Variants in PIH1D1 observed in about 807,000 individuals in gnomAD.
PIH1D1 encodes PIH1 domain containing 1.
In PIH1D1, 28 loss-of-function variants were observed where a neutral mutation model predicts 38.5. The ratio of observed to expected loss-of-function variants is 0.73; its 90% CI spans 0.54 to 1.00. The LOEUF (loss-of-function observed/expected upper bound fraction) is 1.00. Ranked by LOEUF, PIH1D1 falls within the 50% of genes least tolerant of loss-of-function variation. The pLI is 0.00. For missense variants in PIH1D1, 343 were observed against 369.9 expected, an observed-to-expected ratio of 0.93 and a Z score of 0.60; for synonymous variants, 155 against 153.5, an observed-to-expected ratio of 1.01 and a Z score of -0.07.
intron 1 of PIH1D1, 167 bp downstream of exon 1, chr19:49,451,318 C>G (rs1486270330): frequency 1.0e-6 from 1 of 960,272 alleles, no homozygotes; most frequent in East Asian, 2.7e-5. Flanking sequence ...TGTGAGCCAC[C>G]GCGCCCGGCC....
chr19:49,450,933 A>C (rs544991471), intron 1 of PIH1D1, 85 bp from the exon 2 acceptor site: 4 of 1,607,466 alleles, frequency 2.5e-6, no homozygotes, highest in Non-Finnish European at 1.7e-6. Context: ...ATTCTTATGC[A>C]TGAGAGCTGT....
At chr19:49,450,196 G>C (rs1362138136) in intron 2 of PIH1D1, among the ~76,000 whole-genome samples, 1 of 151,958 alleles carries the variant, frequency 6.6e-6, no homozygotes, top group Non-Finnish European at 1.5e-5. Context: ...GCTCAAGTGA[G>C]CCTCCCACCT....
intron 2 of PIH1D1, among the ~76,000 whole-genome samples, chr19:49,450,215 T>A (rs545015439): frequency 6.6e-6 from 1 of 152,164 alleles, no homozygotes; most frequent in East Asian, 1.9e-4. Flanking sequence ...CTCAGCCTCG[T>A]GAGTAGCTAT....
intron 3 of PIH1D1, 147 bp downstream of exon 3, chr19:49,449,328 C>T (rs1265656827): frequency 1.2e-6 from 1 of 805,638 alleles, no homozygotes; most frequent in Non-Finnish European, 2.1e-6. Context: ...GTCCAGGGCA[C>T]TAGAGATCTA....
chr19:49,451,392 C>A, intron 1 of PIH1D1, 93 bp downstream of exon 1: 1 of 1,560,360 alleles, frequency 6.4e-7, no homozygotes, highest in South Asian at 1.1e-5. Flanking sequence ...GCCTGGTTCC[C>A]GCCTTAGTGC....
intron 8 of PIH1D1, 54 bp downstream of exon 8, chr19:49,446,495 GAC>G: frequency 1.9e-6 from 3 of 1,582,238 alleles, no homozygotes; most frequent in Non-Finnish European, 2.6e-6. Flanking sequence ...CTCCCTGGGA[GAC>G]AGAGTCCAGG....
At chr19:49,448,359 T>C (rs2079037730) in intron 3 of PIH1D1, 1 of 460,312 alleles carries the variant, frequency 2.2e-6, no homozygotes, top group African/African-American at 2.0e-5. Context: ...CCCACAAGCC[T>C]GGCGTTGGAG....
chr19:49,446,455 C>T (rs2079022985), intron 8 of PIH1D1, 32 bp from the exon 9 acceptor site: 2 of 1,283,168 alleles, frequency 1.6e-6, no homozygotes, highest in South Asian at 2.4e-5. Context: ...AATGAGGATC[C>T]AGGACCCAGA....
rs577612208 is a variant in PIH1D1, at chr19:49,450,903, T to C, written c.91-55A>G. ...GGAGTCTGTGCCATCAGACCCCTCA[T>C]TTGTTCCTCAAATGGAGCAATTCTT... On this transcript the variant is annotated intron_variant, in intron 1 of 8. Coordinates refer to ENST00000262265, the MANE Select transcript of PIH1D1 (RefSeq NM_017916.3). The C allele has an allele frequency of 9.4e-5, 152 of 1,612,966 alleles. No homozygotes were observed. The East Asian group carries it at 2.3e-3, about 24-fold the overall frequency.
At chr19:49,449,311 G>A (rs2079043673) in intron 3 of PIH1D1, 164 bp downstream of exon 3, 1 of 753,322 alleles carries the variant, frequency 1.3e-6, no homozygotes, top group Non-Finnish European at 2.3e-6. Flanking sequence ...CTGCCCGGGT[G>A]TGGGATGTCC....
chr19:49,448,950 T>A (rs2122331291), intron 3 of PIH1D1: 1 of 278,670 alleles, frequency 3.6e-6, no homozygotes, highest in African/African-American at 2.2e-5. Flanking sequence ...CCCAGCACTT[T>A]CGGAGGCTGA....
At chr19:49,447,938 G>A (rs768247741) in intron 4 of PIH1D1, 30 bp from the exon 5 acceptor site, 10 of 1,613,760 alleles carry the variant, frequency 6.2e-6, no homozygotes, top group Non-Finnish European at 8.5e-6. Context: ...AAAGACAGGC[G>A]GTGGCGGGGA....
Position 49,451,750 on chromosome 19 carries a change from C to T in PIH1D1, c.-176G>A. Reference sequence around the variant, plus strand: ...TCCATTCAAGACCGAACACCATCGTCAAATCCGTGGGGAATATGTGTCTCT... The same window carrying T: ...TCCATTCAAGACCGAACACCATCGTTAAATCCGTGGGGAATATGTGTCTCT... On this transcript the variant is annotated 5_prime_UTR_variant, in exon 1 of 9. Coordinates refer to ENST00000262265, the MANE Select transcript of PIH1D1 (RefSeq NM_017916.3). The T allele has an allele frequency of 7.0e-7, 1 of 1,420,586 alleles. No individual in the cohort carries two copies. The allele number at this position is 1,420,586 out of a possible 1,614,324, so 88.0% of individuals were successfully genotyped here.
chr19:49,446,413 A>G lies in PIH1D1; in HGVS notation c.842T>C (p.Val281Ala), dbSNP rs2122323644. Reference protein sequence around the residue: ...AFHRKRKQLMVAMPLLPVPS With the variant: ...AFHRKRKQLMAAMPLLPVPS The stretch of plus-strand genomic sequence containing the variant: ...AGGCACCGGCAGAAGCGGCATGGCC[A>G]CCATTAATTGCTGAGGAGACAGAGC... The change falls in exon 9 of 9, where the codon GTG becomes GCG. Residue 281 changes from valine to alanine, a missense_variant. By Grantham distance (64) the Val-to-Ala change is moderately conservative. Transcript: ENST00000262265. The G allele has an allele frequency of 4.3e-6, 4 of 937,856 alleles. No individual in the cohort carries two copies. Among genetic ancestry groups the G allele is most frequent in the South Asian group, 1.3e-5 (1 of 77,774 alleles). The allele number at this position is 937,856 out of a possible 1,614,324, so 58.1% of individuals were successfully genotyped here. A position where few individuals can be genotyped will look rare whatever the true frequency, so the allele number is the denominator to read the frequency against.
rs2079022568 is a variant in PIH1D1, at chr19:49,446,408, T to C, written c.847A>G (p.Met283Val). ...CAAGAAGGCACCGGCAGAAGCGGCATGGCCACCATTAATTGCTGAGGAGAC... is the reference window on the plus strand; with the variant it reads ...CAAGAAGGCACCGGCAGAAGCGGCACGGCCACCATTAATTGCTGAGGAGAC... Reference protein sequence around the residue: ...HRKRKQLMVAMPLLPVPS With the variant: ...HRKRKQLMVAVPLLPVPS The change falls in exon 9 of 9, where the codon ATG becomes GTG. Residue 283 changes from methionine (M) to valine (V), a missense_variant. Transcript: ENST00000262265. 1.1e-6 allele frequency: 1 copy of C among 911,438 alleles called. No homozygotes were observed. The highest frequency in any genetic ancestry group is 2.4e-5 in the East Asian group (1 of 41,750). 56.5% of individuals were successfully genotyped at this position (911,438 alleles called of 1,614,324 possible). A position where few individuals can be genotyped will look rare whatever the true frequency, so the allele number is the denominator to read the frequency against.
In PIH1D1 at chr19:49,447,045, G is replaced by A. The variant is rs758262958; in HGVS notation, c.666C>T (p.Ala222=). The A allele has an allele frequency of 3.7e-6, 6 of 1,612,980 alleles. No individual in the cohort carries two copies. Among genetic ancestry groups the A allele is most frequent in the African/African-American group, 1.3e-5 (1 of 74,786 alleles). Residue 222 remains alanine, a synonymous_variant, in exon 7 of 9, where the codon GCC becomes GCT. Coordinates refer to ENST00000262265, the MANE Select transcript of PIH1D1 (RefSeq NM_017916.3). ...TCACCAGTTTGGGGAGGTCAACTTC[G>A]GCCAAGAGGAGGTCGGGGGCTTCCA... ...LWLEAPDLLL[A]EVDLPKLDGA... is the part of the protein sequence containing the mutation.
rs750051069 is a variant in PIH1D1 at position 49,447,346 on chromosome 19, A to G, written c.603T>C (p.Ala201=). 6 of 1,613,878 alleles carry G rather than the reference A, an allele frequency of 3.7e-6. No homozygotes were observed. The highest frequency in any genetic ancestry group is 5.1e-6 in the Non-Finnish European group (6 of 1,179,932). Residue 201 remains alanine (A), a synonymous_variant, in exon 6 of 9, where the codon GCT becomes GCC. Transcript: ENST00000262265. ...GDLYTPAPGR[A]ESGPEKPHLN... is the part of the protein sequence containing the mutation. ...ATCTACCGAAGGCCCACCCTGACTCAGCTCTCCCGGGGGCGGGCGTGTACA... is the reference window on the plus strand; with the variant it reads ...ATCTACCGAAGGCCCACCCTGACTCGGCTCTCCCGGGGGCGGGCGTGTACA...
Position 49,450,817 on chromosome 19 carries a change from G to A in PIH1D1, c.122C>T (p.Thr41Ile). The change falls in exon 2 of 9, where the codon ACC (threonine) becomes ATC (isoleucine). Residue 41 changes from threonine to isoleucine, a missense_variant. Thr to Ile is a moderately conservative substitution (Grantham distance 89). Transcript: ENST00000262265. The stretch of plus-strand genomic sequence containing the variant: ...CTGGATTTGTGTCGATTCTGGTCTG[G>A]TTGTCTGGGCTTGCTGGAGCTCCTT... ...ASKELQQAQT[T>I]RPESTQIQPQ... 2 of 1,613,240 alleles carry A rather than the reference G, an allele frequency of 1.2e-6. No homozygotes were observed. The highest frequency in any genetic ancestry group is 1.7e-6 in the Non-Finnish European group (2 of 1,179,888).
At position 49,451,628 on chromosome 19, in the gene PIH1D1, G is replaced by A; in HGVS notation, c.-54C>T. On this transcript the variant is annotated 5_prime_UTR_variant, in exon 1 of 9. Coordinates refer to ENST00000262265, the MANE Select transcript of PIH1D1 (RefSeq NM_017916.3). The stretch of plus-strand genomic sequence containing the variant: ...CGAGACCCTCAACGTGGGAAACTTT[G>A]CCCAGGATCCGAACCCCAGTGCCTG... 1.2e-6 allele frequency: 2 copies of A among 1,602,132 alleles called. No individual in the cohort carries two copies.
Sources: gnomAD v4.1 joint callset for allele counts (sites outside exome capture counted in the v4.1 genomes callset) on GRCh38, gnomAD v4.1.1 for gene constraint, MANE v1.5 for transcripts, NCBI Gene and HGNC (gene_info 2026-07-23, HGNC 2026-07-21) for gene names.